QRICH1: variants seen among roughly 807,000 people sequenced by gnomAD.
QRICH1 encodes glutamine rich 1, also known as transcriptional regulator QRICH1.
Under a neutral mutation model 87.1 loss-of-function variants are expected in QRICH1, and 16 were observed. The observed-to-expected ratio is 0.18, with a 90% CI of 0.12 to 0.28. QRICH1 has a LOEUF of 0.28. Among genes scored for constraint, QRICH1 ranks in the 10% least tolerant of loss-of-function variants. The probability of loss-of-function intolerance (pLI) is 1.00; values close to 1 mark genes in which losing one functional copy is unlikely to be tolerated. For missense variants in QRICH1, 647 were observed against 951.7 expected (o/e 0.68, Z 4.21); for synonymous variants, 367 against 368.4 (o/e 1.00, Z 0.05).
chr3:49,044,061 C>T (rs1342385415), intron 6 of QRICH1, among the ~76,000 whole-genome samples: 1 of 152,104 alleles, frequency 6.6e-6, no homozygotes, highest in African/African-American at 2.4e-5. Flanking sequence ...GTGAGTAAAG[C>T]AAAAATTATG....
chr3:49,069,854 G>A (rs1486023810), intron 2 of QRICH1, among the ~76,000 whole-genome samples: 1 of 152,016 alleles, frequency 6.6e-6, no homozygotes, highest in Non-Finnish European at 1.5e-5. Context: ...TCAAGGTAAT[G>A]TGAGCTGTAA....
At chr3:49,065,678 C>T (rs1271905489) in intron 2 of QRICH1, among the ~76,000 whole-genome samples, 1 of 151,202 alleles carries the variant, frequency 6.6e-6, no homozygotes, top group Non-Finnish European at 1.5e-5. Context: ...TACCAGGAGT[C>T]TCTCTCTTTT....
chr3:49,038,074 T>G (rs1336246189), intron 6 of QRICH1, among the ~76,000 whole-genome samples: 2 of 152,142 alleles, frequency 1.3e-5, no homozygotes, highest in East Asian at 3.9e-4. Context: ...TAGATTTTTT[T>G]TTTTTAAAAC....
rs767090539 is a variant in QRICH1, at chr3:49,072,531, CA to C, written c.309+4177del. On this transcript the variant is annotated intron_variant, in intron 2 of 9. Transcript: ENST00000395443. Reference sequence around the variant, plus strand: ...ACAGAATGAGACCCTGTCTCCATTACAAAAAAAAAAAAACTCTCCATATGCC... The same window carrying C: ...ACAGAATGAGACCCTGTCTCCATTACAAAAAAAAAAAACTCTCCATATGCC... Among the ~76,000 whole-genome samples, 563 of 111,436 alleles carry C rather than the reference CA, an allele frequency of 5.1e-3. 5 individuals are homozygous for C. The highest frequency in any genetic ancestry group is 0.016 in the African/African-American group (480 of 30,172). 73.1% of individuals were successfully genotyped at this position (111,436 alleles called of 152,430 possible). A position where few individuals can be genotyped will look rare whatever the true frequency, so the allele number is the denominator to read the frequency against.
chr3:49,084,309 G>A (rs990581307), intron 1 of QRICH1, among the ~76,000 whole-genome samples: 8 of 151,356 alleles, frequency 5.3e-5, no homozygotes, highest in Admixed American at 3.3e-4. Flanking sequence ...AGGCTGGAGC[G>A]TAGTGGCACG....
intron 2 of QRICH1, among the ~76,000 whole-genome samples, chr3:49,059,366 C>T (rs2106913295): frequency 6.6e-6 from 1 of 152,046 alleles, no homozygotes; most frequent in East Asian, 1.9e-4. Context: ...AGTGATCCTC[C>T]CACCTCAGCC....
chr3:49,074,514 G>A (rs2041910197), intron 2 of QRICH1, among the ~76,000 whole-genome samples: 2 of 151,862 alleles, frequency 1.3e-5, no homozygotes, highest in Admixed American at 6.6e-5. Context: ...GGAGCTTGCA[G>A]AGAGCCAAGG....
intron 2 of QRICH1, among the ~76,000 whole-genome samples, chr3:49,062,188 A>G (rs2093438849): frequency 6.6e-6 from 1 of 151,928 alleles, no homozygotes; most frequent in African/African-American, 2.4e-5. Context: ...TACAAAAATT[A>G]GCTGGGCGTG....
intron 4 of QRICH1, 36 bp from the exon 5 acceptor site, chr3:49,046,615 G>C (rs1222702114): frequency 3.1e-6 from 5 of 1,605,902 alleles, no homozygotes; most frequent in African/African-American, 1.3e-5. Context: ...TGAAGGTCCT[G>C]GGGGTCCATA....
intron 6 of QRICH1, among the ~76,000 whole-genome samples, chr3:49,037,365 G>A (rs1243055893): frequency 6.6e-6 from 1 of 152,214 alleles, no homozygotes; most frequent in Non-Finnish European, 1.5e-5. Context: ...ATTAGACTGT[G>A]TGACAATTTC....
intron 1 of QRICH1, among the ~76,000 whole-genome samples, chr3:49,078,471 T>C (rs2041995525): frequency 7.8e-6 from 1 of 128,968 alleles, no homozygotes; most frequent in Non-Finnish European, 1.6e-5. Flanking sequence ...CTTGGCTCAC[T>C]GCAAGCTCCA....
intron 2 of QRICH1, among the ~76,000 whole-genome samples, chr3:49,073,643 A>C (rs1022793332): frequency 1.5e-4 from 22 of 151,472 alleles, no homozygotes; most frequent in African/African-American, 5.1e-4. Context: ...TGTGCCTTAC[A>C]ATTTTTATTT....
intron 3 of QRICH1, among the ~76,000 whole-genome samples, chr3:49,048,631 CAAA>C (rs1163544138): frequency 3.3e-4 from 49 of 150,194 alleles, no homozygotes; most frequent in Non-Finnish European, 5.9e-4. Context: ...TACTAAAATA[CAAA>C]AAAATCAGCC....
chr3:49,057,848 G>T lies in QRICH1; in HGVS notation c.352C>A (p.Gln118Lys), dbSNP rs2093412394. 6.2e-7 allele frequency: 1 copy of T among 1,614,008 alleles called. No homozygotes were observed. The highest frequency in any genetic ancestry group is 1.3e-5 in the African/African-American group (1 of 74,904). Residue 118 changes from glutamine to lysine, a missense_variant, in exon 3 of 10, where the codon CAG (glutamine) becomes AAG (lysine). By Grantham distance (53) the Gln-to-Lys change is moderately conservative. This residue lies in a region of QRICH1 where 156 missense variants were observed against 164.5 expected (regional missense o/e 0.95). Coordinates refer to ENST00000395443, the MANE Select transcript of QRICH1 (RefSeq NM_198880.3). This position sits in a 1 kb window ranked among gnomAD's most constrained non-coding sequence, Gnocchi z 5.4. ...TGAACGGTGAGTTGTGGGGAGAGCT[G>T]AGCCGAGACCTGTTGCGGAGACTGC... ...VQQSPQQVSA[Q>K]LSPQLTVHQP...
intron 7 of QRICH1, 143 bp from the exon 8 acceptor site, chr3:49,032,916 C>T (rs1425720638): frequency 1.9e-6 from 2 of 1,079,142 alleles, no homozygotes; most frequent in East Asian, 2.6e-5. Context: ...GTGTCCAGTG[C>T]AGGAACCACA....
In QRICH1 at chr3:49,057,423, G is replaced by T; in HGVS notation, c.777C>A (p.Ala259=). The change falls in exon 3 of 10, where the codon GCC becomes GCA. Residue 259 remains alanine (A), a synonymous_variant. Transcript: ENST00000395443. This position sits in a 1 kb window ranked among gnomAD's most constrained non-coding sequence, Gnocchi z 5.4. Reference sequence around the variant, plus strand: ...CGGTGGCCACCGGCTGCCCTGAGATGGCGTAGGACACAGTGATGGGCATGT... The same window carrying T: ...CGGTGGCCACCGGCTGCCCTGAGATTGCGTAGGACACAGTGATGGGCATGT... ...KVDMPITVSY[A]ISGQPVATVL... is the part of the protein sequence containing the mutation. The T allele has an allele frequency of 1.2e-6, 2 of 1,614,138 alleles. No homozygotes were observed. The highest frequency in any genetic ancestry group is 1.7e-6 in the Non-Finnish European group (2 of 1,180,042).
chr3:49,087,445 T>C (rs184949706), intron 1 of QRICH1, among the ~76,000 whole-genome samples: 2 of 151,068 alleles, frequency 1.3e-5, no homozygotes, highest in African/African-American at 2.4e-5. Context: ...CTAGGGAAGC[T>C]GAGGCAGGAG....
At chr3:49,084,106 C>T (rs1007039338) in intron 1 of QRICH1, among the ~76,000 whole-genome samples, 3 of 151,924 alleles carry the variant, frequency 2.0e-5, no homozygotes, top group Non-Finnish European at 2.9e-5. Context: ...GGCCCACATC[C>T]GGCTAATTTT....
Position 49,093,996 on chromosome 3 carries a change from C to G in QRICH1, c.-106G>C, listed in dbSNP as rs941033546. On this transcript the variant is annotated 5_prime_UTR_variant, in exon 1 of 10. Transcript: ENST00000395443. ...CCGCCAGGGACCCTGGTTCTGCCGT[C>G]GTCGCTCCAAGACCGACAGGGTTTT... 1.2e-5 allele frequency: 5 copies of G among 400,618 alleles called. No individual in the cohort carries two copies. The highest frequency in any genetic ancestry group is 2.2e-5 in the Non-Finnish European group (5 of 227,814). 24.8% of individuals were successfully genotyped at this position (400,618 alleles called of 1,614,324 possible). A position where few individuals can be genotyped will look rare whatever the true frequency, so the allele number is the denominator to read the frequency against.
Sources: allele counts gnomAD v4.1 joint callset (sites outside exome capture counted in the v4.1 genomes callset), GRCh38; gene constraint gnomAD v4.1.1; regional missense constraint gnomAD v4.1.1; non-coding constraint Gnocchi (gnomAD v3.1); transcripts MANE v1.5; gene names NCBI Gene and HGNC (gene_info 2026-07-23, HGNC 2026-07-21).